The following MTA2 variants were observed in gnomAD, a reference collection of about 807,000 sequenced individuals.
MTA2 encodes the protein metastasis-associated protein MTA2.
In MTA2, 22 loss-of-function variants were observed where a neutral mutation model predicts 87.1. That is an observed-to-expected ratio of 0.25 (90% CI 0.18 to 0.36). The LOEUF (loss-of-function observed/expected upper bound fraction) is 0.36. Among genes scored for constraint, MTA2 ranks in the 10% least tolerant of loss-of-function variants. The pLI is 1.00. For synonymous variants in MTA2, 314 were observed against 310.1 expected (o/e 1.01, Z -0.13); for missense variants, 542 against 853.2 (o/e 0.64, Z 4.54).
At position 62,594,370 on chromosome 11, in the gene MTA2, C is replaced by T. The variant is rs1358653557; in HGVS notation, c.1730G>A (p.Arg577Lys). 5 of 1,614,090 alleles carry T rather than the reference C, an allele frequency of 3.1e-6. No individual in the cohort carries two copies. In the African/African-American group the frequency reaches 5.3e-5, roughly 17 times the overall value. ...GAGVPFSANG[R>K]PLASGIRSSS... is the part of the protein sequence containing the mutation. The stretch of plus-strand genomic sequence containing the variant: ...TGAACGAATCCCTGAAGCCAGAGGC[C>T]TTCCATTGGCAGAGAAAGGAACCCC... Residue 577 changes from arginine to lysine, a missense_variant, in exon 17 of 18, where the codon AGG becomes AAG. Physicochemically the swap from Arg to Lys is conservative, Grantham distance 26. Transcript: ENST00000278823.
Position 62,593,798 on chromosome 11 carries a change from A to G in MTA2, c.*77T>C. The stretch of plus-strand genomic sequence containing the variant: ...TAATTCACTCCTCACTCCCTTCGAC[A>G]CGAAAGGGAAGGGAGGTTTGGGTGC... On this transcript the variant is annotated 3_prime_UTR_variant, in exon 18 of 18. Coordinates refer to ENST00000278823, the MANE Select transcript of MTA2 (RefSeq NM_004739.4). 6.4e-7 allele frequency: 1 copy of G among 1,556,816 alleles called. No homozygotes were observed. Among genetic ancestry groups the G allele is most frequent in the Non-Finnish European group, 8.8e-7 (1 of 1,135,602 alleles).
At chr11:62,600,435 T>C in intron 2 of MTA2, 176 bp from the exon 3 acceptor site, 2 of 804,624 alleles carry the variant, frequency 2.5e-6, no homozygotes, top group Non-Finnish European at 3.9e-6. Flanking sequence ...ATCCCTTTCC[T>C]TTGCCCCCAA....
rs2134331076 is a variant in MTA2, at chr11:62,601,862, C to G, written c.-412G>C. 4.0e-6 allele frequency: 2 copies of G among 496,382 alleles called. No individual in the cohort carries two copies. The highest frequency in any genetic ancestry group is 7.0e-5 in the East Asian group (2 of 28,710). The allele number at this position is 496,382 out of a possible 1,614,324, so 30.7% of individuals were successfully genotyped here. A position where few individuals can be genotyped will look rare whatever the true frequency, so the allele number is the denominator to read the frequency against. On this transcript the variant is annotated 5_prime_UTR_variant, in exon 1 of 18. Transcript: ENST00000278823. ...TTCGGCCGATCCGGAGAACAAGGCC[C>G]ACTGCTCGGCTCAGGTCGGAGAGCG... is the stretch of plus-strand genomic sequence containing the variant.
chr11:62,597,878 GC>G, intron 6 of MTA2, 145 bp downstream of exon 6: 1 of 987,280 alleles, frequency 1.0e-6, no homozygotes, highest in Non-Finnish European at 1.6e-6. Flanking sequence ...GTTCCTACAG[GC>G]CCATTCTGTC....
intron 5 of MTA2, 47 bp downstream of exon 5, chr11:62,598,280 G>A (rs746635450): frequency 2.8e-5 from 45 of 1,594,908 alleles, no homozygotes; most frequent in African/African-American, 6.7e-5. Context: ...TCTCTTTTGC[G>A]GGCAATACCC....
In MTA2 at chr11:62,595,925, A is replaced by C. The variant is rs753839651; in HGVS notation, c.1115-34T>G. The C allele has an allele frequency of 6.2e-7, 1 of 1,613,966 alleles. No homozygotes were observed. The highest frequency in any genetic ancestry group is 8.5e-7 in the Non-Finnish European group (1 of 1,180,010). ...TACGGAGAGGAGGGGGACAGGGAAGAAGCATACTACCTAAGCCCCTCAGAT... is the reference window on the plus strand; with the variant it reads ...TACGGAGAGGAGGGGGACAGGGAAGCAGCATACTACCTAAGCCCCTCAGAT... On this transcript the variant is annotated intron_variant, in intron 12 of 17. Coordinates refer to ENST00000278823, the MANE Select transcript of MTA2 (RefSeq NM_004739.4). This position sits in a 1 kb window ranked among gnomAD's most constrained non-coding sequence, Gnocchi z 4.9.
At chr11:62,598,720 T>C in intron 3 of MTA2, 81 bp from the exon 4 acceptor site, 1 of 1,276,354 alleles carries the variant, frequency 7.8e-7, no homozygotes, top group Non-Finnish European at 1.1e-6. Context: ...TCAGGGAAAA[T>C]ATTTCCTATC....
Position 62,598,563 on chromosome 11 carries a change from A to G in MTA2, c.267T>C (p.Phe89=), listed in dbSNP as rs1423182092. 3.7e-6 allele frequency: 6 copies of G among 1,614,180 alleles called. No individual in the cohort carries two copies. The South Asian group carries it at 4.4e-5, about 12-fold the overall frequency. The stretch of plus-strand genomic sequence containing the variant: ...GTAATGATTCAAATTGCCGAGAAAG[A>G]AAAAGTTCCCGGTGCTTCAGTTGAT... ...QRHQLKHREL[F]LSRQFESLPA... Residue 89 remains phenylalanine, a synonymous_variant, in exon 4 of 18, where the codon TTT becomes TTC. Transcript: ENST00000278823.
intron 2 of MTA2, 34 bp from the exon 3 acceptor site, chr11:62,600,293 G>A (rs370078923): frequency 3.6e-4 from 572 of 1,568,744 alleles, no homozygotes; most frequent in Non-Finnish European, 4.7e-4. Flanking sequence ...ACAAAACAAC[G>A]TAGCAGTGGA....
At chr11:62,594,851 C>A in intron 15 of MTA2, 130 bp downstream of exon 15, 1 of 959,036 alleles carries the variant, frequency 1.0e-6, no homozygotes, top group African/African-American at 1.6e-5. Context: ...AATTATTAAA[C>A]AACAAAAGTA....
At position 62,594,976 on chromosome 11, in the gene MTA2, C is replaced by G; in HGVS notation, c.1573+5G>C. 6.2e-7 allele frequency: 1 copy of G among 1,613,792 alleles called. No homozygotes were observed. The highest frequency in any genetic ancestry group is 8.5e-7 in the Non-Finnish European group (1 of 1,179,832). On this transcript the variant is annotated splice_donor_5th_base_variant and intron_variant, in intron 15 of 17. Transcript: ENST00000278823. Reference sequence around the variant, plus strand: ...ATGCCAACCTCACTGGTCCCCATCCCATACCCAGATCTTTGACGATAGTTG... The same window carrying G: ...ATGCCAACCTCACTGGTCCCCATCCGATACCCAGATCTTTGACGATAGTTG...
rs948007407 is a variant in MTA2, at chr11:62,595,509, G to A, written c.1255-17C>T. 3 of 1,612,602 alleles carry A rather than the reference G, an allele frequency of 1.9e-6. No homozygotes were observed. The highest frequency in any genetic ancestry group is 1.7e-6 in the Non-Finnish European group (2 of 1,178,896). On this transcript the variant is annotated splice_polypyrimidine_tract_variant and intron_variant, in intron 13 of 17. Coordinates refer to ENST00000278823, the MANE Select transcript of MTA2 (RefSeq NM_004739.4). This position sits in a 1 kb window ranked among gnomAD's most constrained non-coding sequence, Gnocchi z 4.9. The stretch of plus-strand genomic sequence containing the variant: ...GTGTGGCTCCTAGAAGAAGAGCATA[G>A]GAAAGAGAGAGAGCAGAAATCAGCA...
rs989617712 is a variant in MTA2, at chr11:62,601,500, G to A, written c.-50C>T. On this transcript the variant is annotated 5_prime_UTR_variant, in exon 1 of 18. Transcript: ENST00000278823. Reference sequence around the variant, plus strand: ...CCGCACAAAGGGGTCCGGGAGGCTCGCGGGGGCAGGGCTCGGCTCGAGGCA... The same window carrying A: ...CCGCACAAAGGGGTCCGGGAGGCTCACGGGGGCAGGGCTCGGCTCGAGGCA... 2.5e-6 allele frequency: 4 copies of A among 1,586,060 alleles called. No individual in the cohort carries two copies. In the African/African-American group the frequency reaches 4.1e-5, roughly 16 times the overall value.
Position 62,598,393 on chromosome 11 carries a change from A to G in MTA2, c.309-3T>C, listed in dbSNP as rs760022023. The G allele has an allele frequency of 6.2e-6, 10 of 1,613,964 alleles. No individual in the cohort carries two copies. The Admixed American group carries it at 1.3e-4, about 22-fold the overall frequency. On this transcript the variant is annotated splice_polypyrimidine_tract_variant and splice_region_variant and intron_variant, in intron 4 of 17. Coordinates refer to ENST00000278823, the MANE Select transcript of MTA2 (RefSeq NM_004739.4). ...AGAGGGTCACACTGCATTTCCCCCT[A>G]TAGGAGAGAGATTGGAAAACCCCGG... is the stretch of plus-strand genomic sequence containing the variant.
intron 5 of MTA2, 63 bp from the exon 6 acceptor site, chr11:62,598,204 T>A: frequency 6.4e-7 from 1 of 1,564,066 alleles, no homozygotes; most frequent in East Asian, 2.2e-5. Flanking sequence ...GGGAGGGAGG[T>A]GTATCTGAGT....
chr11:62,597,489 G>A (rs914480869), intron 7 of MTA2, 74 bp from the exon 8 acceptor site: 13 of 1,521,072 alleles, frequency 8.5e-6, no homozygotes, highest in Non-Finnish European at 1.2e-5. Flanking sequence ...TTAAGCCAAA[G>A]GAGAAAGAAG....
At chr11:62,596,436 C>G (rs773550222) in intron 10 of MTA2, 22 bp downstream of exon 10, 29 of 1,613,394 alleles carry the variant, frequency 1.8e-5, no homozygotes, top group Non-Finnish European at 2.5e-5. Context: ...CTATGGTCCA[C>G]CCTCCCCAGC....
chr11:62,600,316 G>A (rs538176160), intron 2 of MTA2, 57 bp from the exon 3 acceptor site: 5 of 1,477,612 alleles, frequency 3.4e-6, no homozygotes, highest in Non-Finnish European at 4.7e-6. Flanking sequence ...TTGATCATCT[G>A]GGAACAGAAA....
chr11:62,597,924 T>C (rs2134325452), intron 6 of MTA2, 100 bp downstream of exon 6: 3 of 1,169,558 alleles, frequency 2.6e-6, no homozygotes, highest in Middle Eastern at 3.9e-4. Context: ...GACAGTGCAC[T>C]GCACAACCCC....
Sources: gnomAD v4.1 joint callset for allele counts on GRCh38, gnomAD v4.1.1 for gene constraint, Gnocchi (gnomAD v3.1) non-coding constraint, MANE v1.5 for transcripts, NCBI Gene and HGNC (gene_info 2026-07-23, HGNC 2026-07-21) for gene names.